ZBTB4: variants seen among roughly 807,000 people sequenced by gnomAD.
ZBTB4 encodes zinc finger and BTB domain-containing protein 4.
In ZBTB4, 14 loss-of-function variants were observed where a neutral mutation model predicts 59.8. That is an observed-to-expected ratio of 0.23 (90% CI 0.15 to 0.37). The LOEUF (loss-of-function observed/expected upper bound fraction) is 0.37, where lower values mean the gene tolerates loss of function less well. ZBTB4 is among the 10% of genes least tolerant of loss of function. The pLI is 1.00. For synonymous variants in ZBTB4, 587 were observed against 575.2 expected, an observed-to-expected ratio of 1.02 and a Z score of -0.29; for missense variants, 1,198 against 1,380.8, an observed-to-expected ratio of 0.87 and a Z score of 2.10.
intron 1 of ZBTB4, among the ~76,000 whole-genome samples, chr17:7,468,508 T>C (rs995721610): frequency 6.6e-6 from 1 of 152,176 alleles, no homozygotes; most frequent in Non-Finnish European, 1.5e-5. Context: ...CTCTTTTCAG[T>C]TGAAGGTTTG....
At chr17:7,482,626 C>T, upstream of ZBTB4, 1 of 1,612,106 alleles carries the variant, frequency 6.2e-7, no homozygotes, top group Admixed American at 1.7e-5. Flanking sequence ...GTTCTCTGCA[C>T]TTTCCCTCCT....
At position 7,462,340 on chromosome 17, in the gene ZBTB4, C is replaced by T. The variant is rs776583823; in HGVS notation, c.2642G>A (p.Gly881Glu). 1.9e-6 allele frequency: 3 copies of T among 1,613,948 alleles called. No individual in the cohort carries two copies. The South Asian group carries it at 3.3e-5, about 18-fold the overall frequency. The part of the protein sequence containing the change: ...PVQEFPLALI[G>E]GGREPGGGRG... ...GCCACCGCCAGGTTCCCGGCCGCCC[C>T]CAATCAAGGCCAGTGGAAATTCCTG... The change falls in exon 4 of 4, where the codon GGG becomes GAG. Residue 881 changes from glycine to glutamate, a missense_variant. Coordinates refer to ENST00000380599, the MANE Select transcript of ZBTB4 (RefSeq NM_001128833.2). The surrounding 1 kb of genome is among the most constrained non-coding windows in gnomAD (Gnocchi z 7.5).
chr17:7,465,474 A>G (rs1185376007), intron 3 of ZBTB4, among the ~76,000 whole-genome samples: 2 of 151,988 alleles, frequency 1.3e-5, no homozygotes, highest in Non-Finnish European at 2.9e-5. Flanking sequence ...AAAAAAAAAA[A>G]AAAAAAGAAA....
chr17:7,462,276 A>G lies in ZBTB4; in HGVS notation c.2706T>C (p.Gly902=), dbSNP rs765637435. ...KSGSEGPVGA[G]EGDRMEGIGA... ...CTATCCCCTCCATCCGGTCCCCCTC[A>G]CCAGCCCCCACTGGCCCTTCACTCC... The change falls in exon 4 of 4, where the codon GGT becomes GGC. Residue 902 remains glycine (G), a synonymous_variant. Transcript: ENST00000380599. This position sits in a 1 kb window ranked among gnomAD's most constrained non-coding sequence, Gnocchi z 7.5. 6.2e-7 allele frequency: 1 copy of G among 1,613,562 alleles called. No individual in the cohort carries two copies. The highest frequency in any genetic ancestry group is 1.1e-5 in the South Asian group (1 of 91,076).
chr17:7,462,460 G>A lies in ZBTB4; in HGVS notation c.2522C>T (p.Ala841Val), dbSNP rs1038988236. The change falls in exon 4 of 4, where the codon GCT (alanine) becomes GTT (valine). Residue 841 changes from alanine (A) to valine (V), a missense_variant. Physicochemically the swap from Ala to Val is moderately conservative, Grantham distance 64. This residue lies in a region of ZBTB4 where 211 missense variants were observed against 236.1 expected (regional missense o/e 0.89). Coordinates refer to ENST00000380599, the MANE Select transcript of ZBTB4 (RefSeq NM_001128833.2). The surrounding 1 kb of genome is among the most constrained non-coding windows in gnomAD (Gnocchi z 7.5). Reference protein sequence around the residue: ...AGGGSTAAEEASETASLQDPI... With the variant: ...AGGGSTAAEEVSETASLQDPI... ...GTCCTGGAGTGAGGCGGTCTCGGAA[G>A]CTTCCTCAGCAGCAGTGCTCCCGCC... is the stretch of plus-strand genomic sequence containing the variant. 1 of 1,613,722 alleles carries A rather than the reference G, an allele frequency of 6.2e-7. No homozygotes were observed. The highest frequency in any genetic ancestry group is 8.5e-7 in the Non-Finnish European group (1 of 1,180,012).
chr17:7,465,663 G>C, intron 3 of ZBTB4, 48 bp downstream of exon 3: 2 of 1,548,264 alleles, frequency 1.3e-6, no homozygotes, highest in Non-Finnish European at 1.7e-6. Flanking sequence ...TCCTATGACC[G>C]CTGAGTGCCA....
upstream of ZBTB4, chr17:7,482,756 G>A (rs779216297): frequency 3.1e-5 from 50 of 1,611,908 alleles, no homozygotes; most frequent in Non-Finnish European, 4.2e-5. Context: ...TTGTGTGGGG[G>A]CAGTGGGGAT....
chr17:7,473,143 C>T lies in ZBTB4; in HGVS notation c.-80-5816G>A, dbSNP rs1353092760. On this transcript the variant is annotated intron_variant, in intron 1 of 3. Coordinates refer to ENST00000380599, the MANE Select transcript of ZBTB4 (RefSeq NM_001128833.2). Reference sequence around the variant, plus strand: ...TTTTTTTTTTTTTGAGACTGAGTCTCGCTCTGTCGCCCAGGCTGGAGTGCA... The same window carrying T: ...TTTTTTTTTTTTTGAGACTGAGTCTTGCTCTGTCGCCCAGGCTGGAGTGCA... Among the ~76,000 whole-genome samples, 18 of 124,524 alleles carry T rather than the reference C, an allele frequency of 1.4e-4. No individual in the cohort carries two copies. In the East Asian group the frequency reaches 2.4e-3, roughly 16 times the overall value. The allele number at this position is 124,524 out of a possible 152,430, so 81.7% of individuals were successfully genotyped here.
At chr17:7,464,160 C>T (rs187859941) in intron 3 of ZBTB4, among the ~76,000 whole-genome samples, 7 of 152,280 alleles carry the variant, frequency 4.6e-5, no homozygotes, top group East Asian at 1.9e-4. Flanking sequence ...AATGGGGAAA[C>T]GACTTACGAA....
chr17:7,473,145 C>A, intron 1 of ZBTB4, among the ~76,000 whole-genome samples: 1 of 139,894 alleles, frequency 7.1e-6, no homozygotes, highest in Non-Finnish European at 1.5e-5. Context: ...CTGAGTCTCG[C>A]TCTGTCGCCC....
intron 1 of ZBTB4, among the ~76,000 whole-genome samples, chr17:7,474,915 G>A (rs1243577256): frequency 1.3e-5 from 2 of 151,642 alleles, no homozygotes; most frequent in Non-Finnish European, 2.9e-5. Context: ...AGGTGGCTGA[G>A]GCAGGAGAAT....
In ZBTB4 at chr17:7,466,456, A is replaced by G; in HGVS notation, c.346T>C (p.Ser116Pro). 6.2e-7 allele frequency: 1 copy of G among 1,611,844 alleles called. No homozygotes were observed. Among genetic ancestry groups the G allele is most frequent in the East Asian group, 2.2e-5 (1 of 44,816 alleles). ...CGGGGTGGGGAAGAAGCAGGGGGAG[A>G]GGCTGGAGGGGGAGAGGAAGAGGAA... ...SSSSSSPPPASPPASSPPRVL... is the reference protein window; with the variant it reads ...SSSSSSPPPAPPPASSPPRVL... Residue 116 changes from serine to proline, a missense_variant, in exon 3 of 4, where the codon TCT (serine) becomes CCT (proline). Physicochemically the swap from Ser to Pro is moderately conservative, Grantham distance 74 (BLOSUM62 -1). This residue lies in a region of ZBTB4 where 83 missense variants were observed against 76.5 expected (regional missense o/e 1.09). Coordinates refer to ENST00000380599, the MANE Select transcript of ZBTB4 (RefSeq NM_001128833.2). This position sits in a 1 kb window ranked among gnomAD's most constrained non-coding sequence, Gnocchi z 9.1.
At position 7,466,234 on chromosome 17, in the gene ZBTB4, G is replaced by C; in HGVS notation, c.568C>G (p.Pro190Ala). 1.2e-6 allele frequency: 2 copies of C among 1,613,480 alleles called. No individual in the cohort carries two copies. Among genetic ancestry groups the C allele is most frequent in the Non-Finnish European group, 1.7e-6 (2 of 1,179,868 alleles). ...GGCTGCGAGGTGGCCATGGGGGCTGGGGTAGGAGGTACCCAGGCATCACCT... is the reference window on the plus strand; with the variant it reads ...GGCTGCGAGGTGGCCATGGGGGCTGCGGTAGGAGGTACCCAGGCATCACCT... Reference protein sequence around the residue: ...EGGDAWVPPTPAPMATSQPEE... With the variant: ...EGGDAWVPPTAAPMATSQPEE... The change falls in exon 3 of 4, where the codon CCA (proline) becomes GCA (alanine). Residue 190 changes from proline to alanine, a missense_variant. Around this residue, in one of 9 missense-constraint regions of ZBTB4, gnomAD observed 204 missense variants for 205.5 expected, o/e 0.99. Coordinates refer to ENST00000380599, the MANE Select transcript of ZBTB4 (RefSeq NM_001128833.2). This position sits in a 1 kb window ranked among gnomAD's most constrained non-coding sequence, Gnocchi z 9.1.
chr17:7,472,634 C>CTTTTTTTTTTTT (rs71157290), intron 1 of ZBTB4, among the ~76,000 whole-genome samples: 1 of 72,922 alleles, frequency 1.4e-5, no homozygotes, highest in Non-Finnish European at 2.3e-5. Context: ...CCTGGCCATT[C>CTTTTTTTTTTTT]TTTTTTTTTT....
chr17:7,460,055 A>G lies in ZBTB4; in HGVS notation c.*1885T>C, dbSNP rs550394903. The G allele has an allele frequency of 2.6e-5, 4 of 151,968 alleles. No individual in the cohort carries two copies. The highest frequency in any genetic ancestry group is 9.7e-5 in the African/African-American group (4 of 41,282). The allele number at this position is 151,968 out of a possible 1,614,324, so 9.4% of individuals were successfully genotyped here. A position where few individuals can be genotyped will look rare whatever the true frequency, so the allele number is the denominator to read the frequency against. ...TATATATATGTATTCTTTATTACGT[A>G]TTTTTTTGCAGTTTTTCTAAAGTGC... On this transcript the variant is annotated 3_prime_UTR_variant, in exon 4 of 4. Transcript: ENST00000380599.
chr17:7,480,015 G>A (rs910342579), upstream of ZBTB4, among the ~76,000 whole-genome samples: 30 of 152,014 alleles, frequency 2.0e-4, no homozygotes, highest in African/African-American at 7.0e-4. Flanking sequence ...AATCAGGCCC[G>A]GTGGGACTCA....
At chr17:7,467,132 G>A in intron 2 of ZBTB4, 125 bp downstream of exon 2, 1 of 1,145,400 alleles carries the variant, frequency 8.7e-7, no homozygotes, top group African/African-American at 1.6e-5. Context: ...GAAGGAGGAG[G>A]AAGCTCCACA....
chr17:7,480,644 T>C (rs549049338), upstream of ZBTB4, among the ~76,000 whole-genome samples: 15 of 151,832 alleles, frequency 9.9e-5, no homozygotes, highest in African/African-American at 3.1e-4. Flanking sequence ...GGCGTGAACC[T>C]GGGAGGCGGA....
At chr17:7,480,294 C>A (rs948739266), upstream of ZBTB4, among the ~76,000 whole-genome samples, 7 of 152,158 alleles carry the variant, frequency 4.6e-5, no homozygotes, top group African/African-American at 1.4e-4. Context: ...CAACAAAACA[C>A]CAGGTGGAAG....
Sources: allele counts gnomAD v4.1 joint callset (sites outside exome capture counted in the v4.1 genomes callset), GRCh38; gene constraint gnomAD v4.1.1; regional missense constraint gnomAD v4.1.1; non-coding constraint Gnocchi (gnomAD v3.1); transcripts MANE v1.5; gene names NCBI Gene and HGNC (gene_info 2026-07-23, HGNC 2026-07-21).